Variants in ZFYVE27 observed in about 807,000 individuals in gnomAD.
ZFYVE27 encodes protrudin.
ZFYVE27 carries 36 observed loss-of-function variants against 52.8 expected under a neutral mutation model. The observed-to-expected ratio is 0.68, with a 90% confidence interval of 0.52 to 0.90. The LOEUF (loss-of-function observed/expected upper bound fraction) is 0.90, where lower values mean the gene tolerates loss of function less well. Among genes scored for constraint, ZFYVE27 ranks in the 40% least tolerant of loss-of-function variants. The pLI is 0.00. For synonymous variants in ZFYVE27, 223 were observed against 215.6 expected, an observed-to-expected ratio of 1.03 and a Z score of -0.30; for missense variants, 450 against 527.2, an observed-to-expected ratio of 0.85 and a Z score of 1.43.
At chr10:97,753,929 A>C (rs2047669297) in intron 10 of ZFYVE27, among the ~76,000 whole-genome samples, 1 of 152,144 alleles carries the variant, frequency 6.6e-6, no homozygotes, top group Admixed American at 6.5e-5. Flanking sequence ...GCAGCTTTGG[A>C]GAAGGGTGGA....
intron 3 of ZFYVE27, 24 bp downstream of exon 3, chr10:97,743,188 G>C (rs1354619202): frequency 6.2e-7 from 1 of 1,614,018 alleles, no homozygotes. Flanking sequence ...TCAGGGGCCA[G>C]TGGTTTTTGT....
At chr10:97,756,066 T>G (rs2048279880) in intron 10 of ZFYVE27, among the ~76,000 whole-genome samples, 1 of 152,100 alleles carries the variant, frequency 6.6e-6, no homozygotes, top group South Asian at 2.1e-4. Context: ...GACATTCCAT[T>G]CAGTTTAGAG....
chr10:97,757,485 C>T (rs1321825289), intron 11 of ZFYVE27, among the ~76,000 whole-genome samples, 157 bp from the exon 12 acceptor site: 3 of 152,160 alleles, frequency 2.0e-5, no homozygotes, highest in Non-Finnish European at 4.4e-5. Flanking sequence ...ACCAGCCTCC[C>T]CAGGGGGTAT....
At chr10:97,753,593 ACCCCGTGCCTCAGTTT>A (rs2047562391) in intron 10 of ZFYVE27, among the ~76,000 whole-genome samples, 1 of 151,654 alleles carries the variant, frequency 6.6e-6, no homozygotes, top group Non-Finnish European at 1.5e-5. Context: ...ATTATTTCAC[ACCCCGTGCCTCAGTTT>A]CCCCTTCTGT....
At chr10:97,739,515 C>T (rs1367629358) in intron 2 of ZFYVE27, among the ~76,000 whole-genome samples, 1 of 152,020 alleles carries the variant, frequency 6.6e-6, no homozygotes, top group Non-Finnish European at 1.5e-5. Context: ...GCATTCTACT[C>T]CCTAAATATG....
intron 2 of ZFYVE27, among the ~76,000 whole-genome samples, 198 bp from the exon 3 acceptor site, chr10:97,742,896 A>C (rs2044125476): frequency 6.6e-6 from 1 of 152,058 alleles, no homozygotes; most frequent in Non-Finnish European, 1.5e-5. Flanking sequence ...CAGTTTCCTC[A>C]CCCCAGGTGC....
At chr10:97,748,477 C>G (rs145783023) in intron 5 of ZFYVE27, 113 bp downstream of exon 5, 1 of 1,027,772 alleles carries the variant, frequency 9.7e-7, no homozygotes, top group Admixed American at 2.0e-5. Flanking sequence ...GGGAAGAGCT[C>G]GCCTCCTGGG....
intron 12 of ZFYVE27, chr10:97,758,298 T>C (rs2048904075): frequency 6.6e-6 from 1 of 152,336 alleles, no homozygotes; most frequent in South Asian, 2.1e-4. Flanking sequence ...CATGTACCGT[T>C]TTGTAGTATA....
At chr10:97,747,662 A>C (rs1194641967) in intron 4 of ZFYVE27, among the ~76,000 whole-genome samples, 1 of 152,082 alleles carries the variant, frequency 6.6e-6, no homozygotes, top group Admixed American at 6.5e-5. Flanking sequence ...TCTTGTTTGC[A>C]TTGGTCCCTG....
In ZFYVE27 at chr10:97,753,051, G is replaced by A. The variant is rs761686798; in HGVS notation, c.911G>A (p.Gly304Asp). Reference sequence around the variant, plus strand: ...CTGTTCCCACAGGAGGATGATGAGGGCGCCCCGTGCCCAGCAGAGGATGAG... The same window carrying A: ...CTGTTCCCACAGGAGGATGATGAGGACGCCCCGTGCCCAGCAGAGGATGAG... The part of the protein sequence containing the change: ...THLVVLEDDE[G>D]APCPAEDELA... The change falls in exon 10 of 13, where the codon GGC (glycine) becomes GAC (aspartate). Residue 304 changes from glycine (G) to aspartate (D), a missense_variant. Physicochemically the swap from Gly to Asp is moderately conservative, Grantham distance 94 (BLOSUM62 -1). Coordinates refer to ENST00000684270, the MANE Select transcript of ZFYVE27 (RefSeq NM_001385875.1). 8 of 1,612,026 alleles carry A rather than the reference G, an allele frequency of 5.0e-6. No homozygotes were observed. Among genetic ancestry groups the A allele is most frequent in the Non-Finnish European group, 6.8e-6 (8 of 1,179,306 alleles).
intron 10 of ZFYVE27, among the ~76,000 whole-genome samples, chr10:97,754,567 G>C (rs565290018): frequency 2.6e-5 from 4 of 152,148 alleles, no homozygotes; most frequent in Non-Finnish European, 2.9e-5. Context: ...CTTGTACCTT[G>C]GTCTTCCAAA....
rs1311553176 is a variant in ZFYVE27, at chr10:97,760,320, C to T, written c.*1020C>T. The stretch of plus-strand genomic sequence containing the variant: ...ACAGTCTCAGTTATGGGATAAGGCC[C>T]CCTGGGGGTCTCCATTTCTTTCCAA... On this transcript the variant is annotated 3_prime_UTR_variant, in exon 13 of 13. Coordinates refer to ENST00000684270, the MANE Select transcript of ZFYVE27 (RefSeq NM_001385875.1). The T allele has an allele frequency of 6.6e-6, 1 of 152,198 alleles. No homozygotes were observed. Among genetic ancestry groups the T allele is most frequent in the Non-Finnish European group, 1.5e-5 (1 of 68,058 alleles). The allele number at this position is 152,198 out of a possible 1,614,324, so 9.4% of individuals were successfully genotyped here.
At chr10:97,754,363 AGTGCAGTGGCATGAT>A (rs1429615046) in intron 10 of ZFYVE27, among the ~76,000 whole-genome samples, 1 of 144,050 alleles carries the variant, frequency 6.9e-6, no homozygotes, top group African/African-American at 2.6e-5. Flanking sequence ...CCCAGGCTGG[AGTGCAGTGGCATGAT>A]CACAGCTCAC....
chr10:97,747,588 A>G (rs1275648569), intron 4 of ZFYVE27, among the ~76,000 whole-genome samples: 3 of 152,164 alleles, frequency 2.0e-5, no homozygotes, highest in East Asian at 1.9e-4. Flanking sequence ...ATCTATTACT[A>G]TCATTATTTA....
Position 97,749,557 on chromosome 10 carries a change from T to C in ZFYVE27, c.635T>C (p.Leu212Pro). The change falls in exon 6 of 13, where the codon CTC becomes CCC. Residue 212 changes from leucine to proline, a missense_variant. Leu to Pro is a moderately conservative substitution (Grantham distance 98, BLOSUM62 -3). Coordinates refer to ENST00000684270, the MANE Select transcript of ZFYVE27 (RefSeq NM_001385875.1). ...CWVLTLLNST[L>P]FLGNVEFFRV... ...GTTCTCACCCTTTTAAACAGCACGCTCTTTCTGGGGAATGTGGAGTTCTTC... is the reference window on the plus strand; with the variant it reads ...GTTCTCACCCTTTTAAACAGCACGCCCTTTCTGGGGAATGTGGAGTTCTTC... 1 of 1,614,206 alleles carries C rather than the reference T, an allele frequency of 6.2e-7. No homozygotes were observed. The highest frequency in any genetic ancestry group is 1.3e-5 in the African/African-American group (1 of 75,062).
Position 97,750,337 on chromosome 10 carries a change from C to CTG in ZFYVE27, c.672_673dup (p.Glu225ValfsTer11). 6.2e-7 allele frequency: 1 copy of CTG among 1,614,078 alleles called. No individual in the cohort carries two copies. The highest frequency in any genetic ancestry group is 8.5e-7 in the Non-Finnish European group (1 of 1,180,028). On this transcript the variant is annotated frameshift_variant, in exon 7 of 13. Transcript: ENST00000684270. LOFTEE classifies it high-confidence loss of function. Reference sequence around the variant, plus strand: ...TTCTCCATTCCCTGGGTAGTTGTGTCTGAGTACAGGGCATCTCTGCAGCAG... The same window carrying CTG: ...TTCTCCATTCCCTGGGTAGTTGTGTCTGTGAGTACAGGGCATCTCTGCAGCAG...
intron 5 of ZFYVE27, 112 bp from the exon 6 acceptor site, chr10:97,749,362 A>G: frequency 3.7e-6 from 3 of 814,434 alleles, no homozygotes; most frequent in East Asian, 2.5e-5. Flanking sequence ...TTGTCAGTTT[A>G]TTAATGTGCC....
In ZFYVE27 at chr10:97,746,045, ATATATATT is replaced by A. The variant is rs1353372230; in HGVS notation, c.455+1132_455+1139del. Among the ~76,000 whole-genome samples, 430 of 58,190 alleles carry A rather than the reference ATATATATT, an allele frequency of 7.4e-3. 3 individuals are homozygous for A. The highest frequency in any genetic ancestry group is 0.029 in the African/African-American group (397 of 13,678). 38.2% of individuals were successfully genotyped at this position (58,190 alleles called of 152,430 possible). A position where few individuals can be genotyped will look rare whatever the true frequency, so the allele number is the denominator to read the frequency against. The stretch of plus-strand genomic sequence containing the variant: ...TATATACACATATATATATATATAT[ATATATATT>A]TTTTTTTTTTTTTGAGACAGAGTCT... On this transcript the variant is annotated intron_variant, in intron 4 of 12. Transcript: ENST00000684270.
rs761556371 is a variant in ZFYVE27, at chr10:97,743,075, A to G, written c.198-19A>G. 1.2e-6 allele frequency: 2 copies of G among 1,613,844 alleles called. No homozygotes were observed. The highest frequency in any genetic ancestry group is 2.2e-5 in the East Asian group (1 of 44,888). On this transcript the variant is annotated intron_variant, in intron 2 of 12. Coordinates refer to ENST00000684270, the MANE Select transcript of ZFYVE27 (RefSeq NM_001385875.1). ...GGAGGAGTGACTCTCTGTAGTGATC[A>G]GGACTCTCTGTATTGTAGGTGGCAG...
Sources: allele counts gnomAD v4.1 joint callset (sites outside exome capture counted in the v4.1 genomes callset), GRCh38; gene constraint gnomAD v4.1.1; transcripts MANE v1.5; gene names NCBI Gene and HGNC (gene_info 2026-07-23, HGNC 2026-07-21).